EXOC4: variants seen among roughly 807,000 people sequenced by gnomAD.
EXOC4 encodes SEC8-like 1.
A neutral mutation model predicts 107.2 loss-of-function variants in EXOC4; 71 were observed. The observed-to-expected ratio is 0.66, with a 90% CI of 0.55 to 0.81. The LOEUF is 0.81. Among genes scored for constraint, EXOC4 ranks in the 30% least tolerant of loss-of-function variants. EXOC4 has a pLI of 0.00. For missense variants in EXOC4, 1,108 were observed against 1,189.6 expected, an observed-to-expected ratio of 0.93 and a Z score of 1.01; for synonymous variants, 456 against 441.2, an observed-to-expected ratio of 1.03 and a Z score of -0.42.
chr7:133,693,948 C>G (rs1794475981), intron 10 of EXOC4, among the ~76,000 whole-genome samples: 1 of 151,896 alleles, frequency 6.6e-6, no homozygotes, highest in Admixed American at 6.6e-5. Context: ...CAGAGTAACC[C>G]CTGGATGAAC....
chr7:134,083,439 A>G, the EXOC4 span, among the ~76,000 whole-genome samples: 11 of 152,226 alleles, frequency 7.2e-5, no homozygotes, highest in Non-Finnish European at 1.5e-4. Context: ...CAGTTATTCT[A>G]TCTCATGATA....
At chr7:133,432,931 C>T (rs1339755651) in intron 7 of EXOC4, among the ~76,000 whole-genome samples, 1 of 152,210 alleles carries the variant, frequency 6.6e-6, no homozygotes, top group Non-Finnish European at 1.5e-5. Context: ...AAGCAGCACT[C>T]TATAGCTGTA....
intron 17 of EXOC4, among the ~76,000 whole-genome samples, chr7:134,021,546 C>T (rs1376823835): frequency 6.6e-6 from 1 of 152,076 alleles, no homozygotes; most frequent in Admixed American, 6.5e-5. Flanking sequence ...AGGTTTTATT[C>T]AGATCAGCCA....
intron 5 of EXOC4, among the ~76,000 whole-genome samples, chr7:133,319,976 A>G (rs1795076908): frequency 6.6e-6 from 1 of 151,956 alleles, no homozygotes; most frequent in Non-Finnish European, 1.5e-5. Flanking sequence ...CTTTACATGA[A>G]TTAACTCATT....
At chr7:133,384,310 G>A (rs547218721) in intron 7 of EXOC4, among the ~76,000 whole-genome samples, 12 of 152,136 alleles carry the variant, frequency 7.9e-5, no homozygotes, top group Non-Finnish European at 7.4e-5. Flanking sequence ...GGGCCTGCTC[G>A]GGCCTCATTA....
chr7:133,755,260 T>TATATTATATATATTATATATATTATATAC lies in EXOC4; in HGVS notation c.1515-62042_1515-62014dup, dbSNP rs1285344780. Reference sequence around the variant, plus strand: ...ATATATATAATATATATATTATATATATATTATATATATTATATATATTAT... The same window carrying TATATTATATATATTATATATATTATATAC: ...ATATATATAATATATATATTATATATATATTATATATATTATATATATTATATACATATTATATATATTATATATATTAT... On this transcript the variant is annotated intron_variant, in intron 10 of 17. Transcript: ENST00000253861. Among the ~76,000 whole-genome samples, 15 of 91,104 alleles carry TATATTATATATATTATATATATTATATAC rather than the reference T, an allele frequency of 1.6e-4. No homozygotes were observed. The East Asian group carries it at 2.0e-3, about 12-fold the overall frequency. 59.8% of individuals were successfully genotyped at this position (91,104 alleles called of 152,430 possible). A position where few individuals can be genotyped will look rare whatever the true frequency, so the allele number is the denominator to read the frequency against.
chr7:133,413,448 TC>T (rs1022402988), intron 7 of EXOC4, among the ~76,000 whole-genome samples: 1 of 152,134 alleles, frequency 6.6e-6, no homozygotes, highest in African/African-American at 2.4e-5. Flanking sequence ...TCTTTAGTCT[TC>T]CGTAGCTGAA....
chr7:133,314,884 T>A (rs982719927), intron 4 of EXOC4: 1 of 152,088 alleles, frequency 6.6e-6, no homozygotes, highest in Non-Finnish European at 1.5e-5. Context: ...AAAGTTGAAG[T>A]TTTTTTTACT....
At chr7:133,327,149 T>C (rs1795265498) in intron 5 of EXOC4, among the ~76,000 whole-genome samples, 1 of 152,234 alleles carries the variant, frequency 6.6e-6, no homozygotes, top group East Asian at 1.9e-4. Flanking sequence ...TGACCCCTTG[T>C]GCTTCCCGAG....
chr7:133,541,168 C>G (rs1800372035), intron 9 of EXOC4, among the ~76,000 whole-genome samples: 1 of 152,006 alleles, frequency 6.6e-6, no homozygotes. Flanking sequence ...GAAAATGGTT[C>G]TCCATATTTT....
chr7:133,409,046 A>T (rs888618038), intron 7 of EXOC4, among the ~76,000 whole-genome samples: 1 of 152,174 alleles, frequency 6.6e-6, no homozygotes, highest in Admixed American at 6.5e-5. Flanking sequence ...GTATAATCAA[A>T]ATCGGATAAA....
At chr7:133,298,110 G>GA (rs1230996976) in intron 3 of EXOC4, among the ~76,000 whole-genome samples, 1 of 152,184 alleles carries the variant, frequency 6.6e-6, no homozygotes, top group Admixed American at 6.5e-5. Context: ...TGCTTGGCTT[G>GA]ACAAGATAGG....
intron 7 of EXOC4, among the ~76,000 whole-genome samples, chr7:133,393,555 A>G (rs1796901882): frequency 3.3e-5 from 5 of 152,110 alleles, no homozygotes; most frequent in Non-Finnish European, 1.5e-5. Flanking sequence ...ATGTGATGGT[A>G]TTTGGAGATG....
the EXOC4 span, among the ~76,000 whole-genome samples, chr7:134,088,567 T>G: frequency 6.6e-6 from 1 of 152,204 alleles, no homozygotes; most frequent in South Asian, 2.1e-4. Context: ...TTCTCTCCTG[T>G]TTGATATTCA....
Position 133,819,185 on chromosome 7 carries a change from A to G in EXOC4, c.1734+1641A>G, listed in dbSNP as rs1041791382. Among the ~76,000 whole-genome samples, 9 of 152,022 alleles carry G rather than the reference A, an allele frequency of 5.9e-5. 1 individual carries two copies. In the East Asian group the frequency reaches 1.7e-3, roughly 29 times the overall value. On this transcript the variant is annotated intron_variant, in intron 11 of 17. Transcript: ENST00000253861. ...TGCTGTTACAACCTCTGGATGCCTCAGTATCCCTTGTTCCTGCTTTCAACC... is the reference window on the plus strand; with the variant it reads ...TGCTGTTACAACCTCTGGATGCCTCGGTATCCCTTGTTCCTGCTTTCAACC...
intron 13 of EXOC4, among the ~76,000 whole-genome samples, chr7:133,920,437 A>AT (rs1161020138): frequency 6.6e-6 from 1 of 151,736 alleles, no homozygotes; most frequent in Non-Finnish European, 1.5e-5. Context: ...GTATGGTTCC[A>AT]TTTTTTCTTG....
intron 5 of EXOC4, among the ~76,000 whole-genome samples, chr7:133,321,164 G>T (rs1795101592): frequency 6.6e-6 from 1 of 151,094 alleles, no homozygotes; most frequent in Non-Finnish European, 1.5e-5. Flanking sequence ...AATTAAGATT[G>T]GAGGTGATTC....
intron 6 of EXOC4, among the ~76,000 whole-genome samples, chr7:133,358,678 T>C (rs1563033932): frequency 2.0e-5 from 3 of 152,208 alleles, no homozygotes; most frequent in South Asian, 4.1e-4. Flanking sequence ...GAAATAACAT[T>C]GCTGTAGTAT....
chr7:133,310,456 T>A (rs1316911630), intron 4 of EXOC4, among the ~76,000 whole-genome samples: 2 of 152,122 alleles, frequency 1.3e-5, no homozygotes, highest in Non-Finnish European at 2.9e-5. Context: ...AGAAAAAAAA[T>A]TCGTTTCATT....
Sources: gnomAD v4.1 joint callset for allele counts (sites outside exome capture counted in the v4.1 genomes callset) on GRCh38, gnomAD v4.1.1 for gene constraint, MANE v1.5 for transcripts, NCBI Gene and HGNC (gene_info 2026-07-23, HGNC 2026-07-21) for gene names.